The following IGF2R variants were observed in gnomAD, a reference collection of about 807,000 sequenced individuals.
The protein encoded by IGF2R is cation-independent mannose-6-phosphate receptor.
A neutral mutation model predicts 270.6 loss-of-function variants in IGF2R; 91 were observed. That is an observed-to-expected ratio of 0.34 (90% CI 0.28 to 0.40). The LOEUF (loss-of-function observed/expected upper bound fraction) is 0.40. Among genes scored for constraint, IGF2R ranks in the 10% least tolerant of loss-of-function variants. The pLI, the probability that IGF2R is intolerant of heterozygous loss-of-function variation, is 1.00. For synonymous variants in IGF2R, 1,316 were observed against 1,258.9 expected (o/e 1.05, Z -0.96); for missense variants, 2,805 against 3,188.3 (o/e 0.88, Z 2.90).
intron 45 of IGF2R, 44 bp downstream of exon 45, chr6:160,096,669 T>C: frequency 6.8e-7 from 1 of 1,470,282 alleles, no homozygotes. Flanking sequence ...CCCCACATCT[T>C]CCCTTAAGAA....
In IGF2R at chr6:160,050,408, A is replaced by G; in HGVS notation, c.2515-65A>G. 6.8e-7 allele frequency: 1 copy of G among 1,466,818 alleles called. No individual in the cohort carries two copies. The highest frequency in any genetic ancestry group is 9.4e-7 in the Non-Finnish European group (1 of 1,069,438). The allele number at this position is 1,466,818 out of a possible 1,614,324, so 90.9% of individuals were successfully genotyped here. ...TGCTGCAGCTTTATAGAATGTAACC[A>G]CCACCAATAACGAATCGACTGTATC... On this transcript the variant is annotated intron_variant, in intron 18 of 47. Transcript: ENST00000356956. The surrounding 1 kb of genome is among the most constrained non-coding windows in gnomAD (Gnocchi z 4.0).
chr6:160,104,548 G>A (rs1779569263), intron 47 of IGF2R, 126 bp from the exon 48 acceptor site: 5 of 936,582 alleles, frequency 5.3e-6, no homozygotes, highest in Non-Finnish European at 8.2e-6. Context: ...TGCAGTGACT[G>A]TGAGGACAGT....
At chr6:159,996,698 A>T (rs1784059210) in intron 2 of IGF2R, among the ~76,000 whole-genome samples, 1 of 152,180 alleles carries the variant, frequency 6.6e-6, no homozygotes, top group Admixed American at 6.5e-5. Flanking sequence ...CTCAGGCTGC[A>T]GTGTAGTGAG....
chr6:160,083,972 C>T lies in IGF2R; in HGVS notation c.5856C>T (p.Ser1952=). The change falls in exon 40 of 48, where the codon AGC becomes AGT. Residue 1952 remains serine (S), a synonymous_variant. Coordinates refer to ENST00000356956, the MANE Select transcript of IGF2R (RefSeq NM_000876.4). ...CAGCAAACAGCTACCGGACATCCAG[C>T]ATCATATTTAAGTGTGATGAAGATG... ...CRHSNSYRTS[S]IIFKCDEDED... 6.2e-7 allele frequency: 1 copy of T among 1,613,808 alleles called. No individual in the cohort carries two copies.
chr6:160,074,463 G>T (rs1778814463), intron 35 of IGF2R, among the ~76,000 whole-genome samples: 1 of 152,246 alleles, frequency 6.6e-6, no homozygotes, highest in African/African-American at 2.4e-5. Context: ...AAATTATTTT[G>T]TAGAGATGGG....
chr6:160,067,373 G>A (rs964808960), intron 29 of IGF2R, among the ~76,000 whole-genome samples: 4 of 151,578 alleles, frequency 2.6e-5, no homozygotes, highest in African/African-American at 4.9e-5. Flanking sequence ...TCTGCCCCCC[G>A]AACTTCATAT....
intron 4 of IGF2R, among the ~76,000 whole-genome samples, chr6:160,013,090 A>T (rs180973619): frequency 3.5e-4 from 53 of 152,098 alleles, no homozygotes; most frequent in Non-Finnish European, 6.5e-4. Flanking sequence ...CCTGATCATG[A>T]TACCCTTTTT....
At chr6:159,982,718 G>A (rs1783825027) in intron 1 of IGF2R, among the ~76,000 whole-genome samples, 1 of 152,334 alleles carries the variant, frequency 6.6e-6, no homozygotes, top group East Asian at 1.9e-4. Context: ...AGGGACTGAG[G>A]AAACTAAGAT....
In IGF2R at chr6:160,084,219, C is replaced by T. The variant is rs1583298921; in HGVS notation, c.6068+35C>T. On this transcript the variant is annotated intron_variant, in intron 40 of 47. Coordinates refer to ENST00000356956, the MANE Select transcript of IGF2R (RefSeq NM_000876.4). This position sits in a 1 kb window ranked among gnomAD's most constrained non-coding sequence, Gnocchi z 4.6. ...TTCCCAGTCCACCCGCGGCGCCACA[C>T]CCTCAGCATGTGAACTTCAGACTGC... 7.7e-7 allele frequency: 1 copy of T among 1,296,464 alleles called. No individual in the cohort carries two copies. The allele number at this position is 1,296,464 out of a possible 1,614,324, so 80.3% of individuals were successfully genotyped here. A position where few individuals can be genotyped will look rare whatever the true frequency, so the allele number is the denominator to read the frequency against.
At chr6:160,016,255 A>G (rs754455302) in intron 4 of IGF2R, among the ~76,000 whole-genome samples, 3 of 151,916 alleles carry the variant, frequency 2.0e-5, no homozygotes, top group Non-Finnish European at 4.4e-5. Context: ...GGGCTCTTTG[A>G]TGTGGTAGAG....
rs756912217 is a variant in IGF2R, at chr6:159,975,175, A to G, written c.149+5780A>G. On this transcript the variant is annotated intron_variant, in intron 1 of 47. Coordinates refer to ENST00000356956, the MANE Select transcript of IGF2R (RefSeq NM_000876.4). ...TCCGGGCCTCTGGAACTTCTGACCA[A>G]CTGGCTTCAATTTGGGGTTCCCAGA... Among the ~76,000 whole-genome samples, 9 of 152,310 alleles carry G rather than the reference A, an allele frequency of 5.9e-5. No individual in the cohort carries two copies. The Middle Eastern group carries it at 0.01, about 173-fold the overall frequency.
At chr6:160,062,082 T>C (rs1216939037) in intron 25 of IGF2R, among the ~76,000 whole-genome samples, 154 bp downstream of exon 25, 1 of 152,192 alleles carries the variant, frequency 6.6e-6, no homozygotes, top group African/African-American at 2.4e-5. Flanking sequence ...CACTCATTTC[T>C]TCAGGTCTTA....
chr6:160,000,984 G>T (rs551753701), intron 2 of IGF2R, among the ~76,000 whole-genome samples: 17 of 151,880 alleles, frequency 1.1e-4, no homozygotes, highest in African/African-American at 4.1e-4. Context: ...TGATCCACCC[G>T]CCTTGGCCCC....
At chr6:160,089,344 T>TA (rs757803772) in intron 43 of IGF2R, 91 bp downstream of exon 43, 13 of 1,170,908 alleles carry the variant, frequency 1.1e-5, no homozygotes, top group Non-Finnish European at 1.3e-5. Flanking sequence ...CACTGCAGGA[T>TA]AAATAGGTCT....
chr6:160,022,786 G>A (rs1777468034), intron 4 of IGF2R, among the ~76,000 whole-genome samples: 1 of 152,202 alleles, frequency 6.6e-6, no homozygotes, highest in Non-Finnish European at 1.5e-5. Context: ...GAGGTAGAGA[G>A]TGCTGTTTTA....
In IGF2R at chr6:160,097,027, G is replaced by A. The variant is rs146226620; in HGVS notation, c.6842+402G>A. 7.0e-4 allele frequency among the ~76,000 whole-genome samples: 106 copies of A among 152,310 alleles called. No individual in the cohort carries two copies. The Middle Eastern group carries it at 0.02, about 29-fold the overall frequency. On this transcript the variant is annotated intron_variant, in intron 45 of 47. Transcript: ENST00000356956. The stretch of plus-strand genomic sequence containing the variant: ...GTAATCCTGGAACATCTTTTGTGTC[G>A]TAATACAAATGATTGTTTGGTAAAG...
intron 21 of IGF2R, 130 bp from the exon 22 acceptor site, chr6:160,058,776 G>A: frequency 1.3e-6 from 1 of 774,586 alleles, no homozygotes; most frequent in Middle Eastern, 2.8e-4. Context: ...CCAGAAAGTG[G>A]AAAGTTGGCA....
intron 45 of IGF2R, among the ~76,000 whole-genome samples, chr6:160,100,889 C>G (rs1212132284): frequency 6.7e-6 from 1 of 149,436 alleles, no homozygotes; most frequent in East Asian, 2.0e-4. Context: ...TTCCCAGATT[C>G]AAGTGATTCT....
chr6:160,001,856 G>T (rs967733206), intron 2 of IGF2R, among the ~76,000 whole-genome samples: 9 of 152,164 alleles, frequency 5.9e-5, no homozygotes, highest in African/African-American at 2.2e-4. Context: ...ACATTTTAAA[G>T]TGGTTTATAC....
Sources: gnomAD v4.1 joint callset for allele counts (sites outside exome capture counted in the v4.1 genomes callset) on GRCh38, gnomAD v4.1.1 for gene constraint, Gnocchi (gnomAD v3.1) non-coding constraint, MANE v1.5 for transcripts, NCBI Gene and HGNC (gene_info 2026-07-23, HGNC 2026-07-21) for gene names.